CPA6: variants seen among roughly 807,000 people sequenced by gnomAD.
CPA6 encodes the protein carboxypeptidase B.
CPA6 carries 58 observed loss-of-function variants against 63.3 expected under a neutral mutation model. The ratio of observed to expected loss-of-function variants is 0.92; its 90% CI spans 0.74 to 1.14. The LOEUF is 1.14. CPA6 is among the 50% of genes most tolerant of loss of function. CPA6 has a pLI of 0.00. For synonymous variants in CPA6, 185 were observed against 179.0 expected (o/e 1.03, Z -0.27); for missense variants, 565 against 526.6 (o/e 1.07, Z -0.71).
chr8:67,464,069 G>A (rs114936861), intron 8 of CPA6, among the ~76,000 whole-genome samples: 1,700 of 152,248 alleles, frequency 0.011, 28 homozygotes, highest in African/African-American at 0.038. Context: ...CTAGTTCTAA[G>A]TTCTTTGAGA....
chr8:67,670,937 T>G (rs906813664), intron 1 of CPA6, among the ~76,000 whole-genome samples: 2 of 152,240 alleles, frequency 1.3e-5, no homozygotes, highest in African/African-American at 4.8e-5. Flanking sequence ...GTCATGATTC[T>G]GAGTGTTAAT....
chr8:67,495,844 C>T (rs898115954), intron 6 of CPA6, among the ~76,000 whole-genome samples: 31 of 152,054 alleles, frequency 2.0e-4, no homozygotes, highest in Admixed American at 1.1e-3. Flanking sequence ...TCAGCCACTG[C>T]ACCTGGCAAG....
At chr8:67,663,602 T>C (rs1816165608) in intron 1 of CPA6, among the ~76,000 whole-genome samples, 3 of 152,134 alleles carry the variant, frequency 2.0e-5, no homozygotes, top group Admixed American at 2.0e-4. Context: ...AGCTCCCACT[T>C]ATAAATGAGA....
chr8:67,538,221 T>C (rs1294468365), intron 2 of CPA6, among the ~76,000 whole-genome samples: 1 of 152,200 alleles, frequency 6.6e-6, no homozygotes, highest in Non-Finnish European at 1.5e-5. Context: ...CAGAGTTGAG[T>C]TCAAATCCTG....
intron 1 of CPA6, among the ~76,000 whole-genome samples, chr8:67,701,785 C>T (rs186675069): frequency 6.6e-6 from 1 of 152,290 alleles, no homozygotes; most frequent in Admixed American, 6.5e-5. Flanking sequence ...AGAGAAGCCT[C>T]ATTTATGAAG....
At chr8:67,622,448 T>G (rs1218829772) in intron 2 of CPA6, among the ~76,000 whole-genome samples, 7 of 152,192 alleles carry the variant, frequency 4.6e-5, no homozygotes, top group Non-Finnish European at 1.0e-4. Context: ...GTGACCATGG[T>G]CTCTCTGGTA....
At chr8:67,617,295 A>T (rs1256698153) in intron 2 of CPA6, among the ~76,000 whole-genome samples, 1 of 152,208 alleles carries the variant, frequency 6.6e-6, no homozygotes, top group African/African-American at 2.4e-5. Flanking sequence ...TATTGAGTTT[A>T]TTAATTATCA....
chr8:67,495,966 T>C (rs1811702582), intron 6 of CPA6, among the ~76,000 whole-genome samples: 1 of 152,220 alleles, frequency 6.6e-6, no homozygotes. Flanking sequence ...GACTGTACGT[T>C]GCTGCCTCAC....
chr8:67,483,029 A>C (rs1262201573), intron 8 of CPA6, among the ~76,000 whole-genome samples: 3 of 152,176 alleles, frequency 2.0e-5, no homozygotes, highest in African/African-American at 7.2e-5. Flanking sequence ...TTTCTAAGGG[A>C]CTAAAGGAAG....
chr8:67,684,001 G>GTGTATA (rs1214064613), intron 1 of CPA6, among the ~76,000 whole-genome samples: 1,393 of 116,980 alleles, frequency 0.012, 40 homozygotes, highest in African/African-American at 0.041. Context: ...ATTTTAAAAT[G>GTGTATA]TATATATATA....
intron 1 of CPA6, among the ~76,000 whole-genome samples, chr8:67,695,908 C>G (rs1374905578): frequency 1.3e-5 from 2 of 152,174 alleles, no homozygotes; most frequent in Non-Finnish European, 2.9e-5. Flanking sequence ...TCCTCTTCCC[C>G]TTGCTTTATG....
intron 2 of CPA6, among the ~76,000 whole-genome samples, chr8:67,585,719 A>G (rs1184133918): frequency 6.6e-6 from 1 of 152,136 alleles, no homozygotes; most frequent in Non-Finnish European, 1.5e-5. Context: ...ATGATACGTA[A>G]GTGTCCTTCG....
chr8:67,662,168 G>C (rs1412332168), intron 1 of CPA6, among the ~76,000 whole-genome samples: 1 of 152,158 alleles, frequency 6.6e-6, no homozygotes, highest in Non-Finnish European at 1.5e-5. Context: ...TATAAGGTTA[G>C]AGTTAGAGAG....
chr8:67,707,854 C>T (rs2128999831), intron 1 of CPA6, among the ~76,000 whole-genome samples: 1 of 149,782 alleles, frequency 6.7e-6, no homozygotes, highest in South Asian at 2.1e-4. Flanking sequence ...GAAGCAGTGG[C>T]AGTGAGCTGA....
chr8:67,474,894 T>C (rs1056792114), intron 8 of CPA6, among the ~76,000 whole-genome samples: 1 of 152,138 alleles, frequency 6.6e-6, no homozygotes, highest in Non-Finnish European at 1.5e-5. Flanking sequence ...GGTGGAAGGA[T>C]TGATTGAACC....
At chr8:67,653,566 T>G (rs908757683) in intron 1 of CPA6, among the ~76,000 whole-genome samples, 19 of 151,998 alleles carry the variant, frequency 1.3e-4, no homozygotes, top group Non-Finnish European at 2.2e-4. Flanking sequence ...TGTATAAGAA[T>G]GTTTGTGATT....
intron 3 of CPA6, among the ~76,000 whole-genome samples, chr8:67,516,261 G>A (rs1160808859): frequency 1.3e-5 from 2 of 152,196 alleles, no homozygotes; most frequent in South Asian, 2.1e-4. Flanking sequence ...GCCATTGGCT[G>A]TAATCTTTTT....
intron 1 of CPA6, among the ~76,000 whole-genome samples, chr8:67,706,968 T>C (rs1289065295): frequency 6.6e-6 from 1 of 152,196 alleles, no homozygotes; most frequent in Non-Finnish European, 1.5e-5. Context: ...TGATATAATT[T>C]AGTATATGTT....
At chr8:67,519,241 A>G (rs1220727317) in intron 2 of CPA6, among the ~76,000 whole-genome samples, 1 of 152,240 alleles carries the variant, frequency 6.6e-6, no homozygotes, top group Admixed American at 6.5e-5. Flanking sequence ...CATCAAAGGC[A>G]CAATGGAACG....
Sources: allele counts gnomAD v4.1 joint callset (sites outside exome capture counted in the v4.1 genomes callset), GRCh38; gene constraint gnomAD v4.1.1; transcripts MANE v1.5; gene names NCBI Gene and HGNC (gene_info 2026-07-23, HGNC 2026-07-21).